ASPRV1: variants seen among roughly 807,000 people sequenced by gnomAD.
ASPRV1 encodes the protein retroviral-like aspartic protease 1.
ASPRV1 carries 7 observed loss-of-function variants against 11.0 expected under a neutral mutation model. The observed-to-expected ratio is 0.64, with a 90% CI of 0.36 to 1.20. The LOEUF is 1.20. ASPRV1 is among the 50% of genes most tolerant of loss of function. The probability of loss-of-function intolerance (pLI) is 0.02; values close to 1 mark genes in which losing one functional copy is unlikely to be tolerated. For synonymous variants in ASPRV1, 136 were observed against 138.4 expected (o/e 0.98, Z 0.12); for missense variants, 299 against 320.0 (o/e 0.93, Z 0.50).
the ASPRV1 span, chr2:69,940,007 T>C: frequency 6.6e-6 from 1 of 152,128 alleles, no homozygotes; most frequent in Non-Finnish European, 1.5e-5. Context: ...GATTCTTTAA[T>C]GTATTTTTCT....
the ASPRV1 span, chr2:70,085,408 C>A: frequency 6.6e-6 from 1 of 152,118 alleles, no homozygotes; most frequent in Non-Finnish European, 1.5e-5. Context: ...CTGGGAGCTG[C>A]CTGATACAAA....
the ASPRV1 span, among the ~76,000 whole-genome samples, chr2:70,047,766 A>T: frequency 6.6e-6 from 1 of 152,200 alleles, no homozygotes; most frequent in Non-Finnish European, 1.5e-5. Context: ...TCTGATTTAC[A>T]GTATGAAGCA....
chr2:70,057,522 G>A, the ASPRV1 span, among the ~76,000 whole-genome samples: 108 of 151,400 alleles, frequency 7.1e-4, 1 homozygote, highest in Admixed American at 3.3e-4. Flanking sequence ...TCTGTTGCCC[G>A]GGCTGGAGTG....
At chr2:69,983,260 T>C in the ASPRV1 span, among the ~76,000 whole-genome samples, 38 of 152,366 alleles carry the variant, frequency 2.5e-4, no homozygotes, top group African/African-American at 8.9e-4. Context: ...TGGAGCGTCT[T>C]GTACTGGATG....
the ASPRV1 span, among the ~76,000 whole-genome samples, chr2:70,056,812 G>A: frequency 1.3e-5 from 2 of 151,602 alleles, no homozygotes; most frequent in Non-Finnish European, 2.9e-5. Flanking sequence ...CCCTGCCACT[G>A]CAACCTTCAC....
At chr2:70,063,471 C>G in the ASPRV1 span, among the ~76,000 whole-genome samples, 1 of 152,144 alleles carries the variant, frequency 6.6e-6, no homozygotes, top group Non-Finnish European at 1.5e-5. Flanking sequence ...GCTGCTGAGG[C>G]CAGCTCCTAT....
chr2:69,987,958 C>A, the ASPRV1 span, among the ~76,000 whole-genome samples: 1 of 152,198 alleles, frequency 6.6e-6, no homozygotes, highest in African/African-American at 2.4e-5. Flanking sequence ...ATGTGCCAGG[C>A]ACTGCCCTAG....
In ASPRV1 at chr2:69,960,599, C is replaced by T. The variant is rs1678053700; in HGVS notation, c.*58G>A. Reference sequence around the variant, plus strand: ...TGACCCCCATGAGGATATGCAACCCCCCCCACAGCGGTGGGTCTTCCCACC... The same window carrying T: ...TGACCCCCATGAGGATATGCAACCCTCCCCACAGCGGTGGGTCTTCCCACC... On this transcript the variant is annotated 3_prime_UTR_variant, in exon 1 of 1. Transcript: ENST00000320256. 16 of 1,521,462 alleles carry T rather than the reference C, an allele frequency of 1.1e-5. No individual in the cohort carries two copies. The South Asian group carries it at 1.7e-4, about 16-fold the overall frequency. 94.2% of individuals were successfully genotyped at this position (1,521,462 alleles called of 1,614,324 possible).
At chr2:70,002,446 G>T in the ASPRV1 span, among the ~76,000 whole-genome samples, 18 of 152,322 alleles carry the variant, frequency 1.2e-4, no homozygotes, top group Non-Finnish European at 2.4e-4. Context: ...CTGTGCCCAA[G>T]ATCTCGTGGG....
the ASPRV1 span, chr2:70,069,055 G>T: frequency 6.6e-6 from 1 of 150,460 alleles, no homozygotes; most frequent in Admixed American, 6.6e-5. Context: ...TTCTATAGAT[G>T]AAAGACAATG....
the ASPRV1 span, among the ~76,000 whole-genome samples, chr2:70,063,423 CCA>C: frequency 3.0e-4 from 45 of 152,202 alleles, no homozygotes; most frequent in Non-Finnish European, 4.0e-4. Context: ...GAGAGAAATT[CCA>C]CAGATTCATG....
the ASPRV1 span, among the ~76,000 whole-genome samples, chr2:69,949,752 G>A: frequency 2.0e-5 from 3 of 152,000 alleles, no homozygotes; most frequent in Non-Finnish European, 4.4e-5. Flanking sequence ...TAATTTTTTA[G>A]TTAACTATTT....
At chr2:69,988,975 C>G in the ASPRV1 span, 25 of 332,998 alleles carry the variant, frequency 7.5e-5, no homozygotes, top group African/African-American at 5.4e-4. Context: ...AGGCTGCCAC[C>G]ACTAAAGAAC....
chr2:69,989,989 C>T, the ASPRV1 span, among the ~76,000 whole-genome samples: 1 of 152,328 alleles, frequency 6.6e-6, no homozygotes, highest in East Asian at 1.9e-4. Flanking sequence ...TGCTAAGAAT[C>T]TTCATTTAAC....
At chr2:70,069,755 T>A in the ASPRV1 span, among the ~76,000 whole-genome samples, 3 of 152,128 alleles carry the variant, frequency 2.0e-5, no homozygotes, top group Non-Finnish European at 4.4e-5. Context: ...TACACAAAAG[T>A]CTAGTTCATC....
the ASPRV1 span, chr2:69,937,993 C>T: frequency 2.4e-5 from 26 of 1,067,266 alleles, no homozygotes; most frequent in Admixed American, 7.3e-5. Context: ...GTGATCCACC[C>T]GCCTTTGCCT....
At chr2:69,978,501 T>G in the ASPRV1 span, among the ~76,000 whole-genome samples, 1 of 152,324 alleles carries the variant, frequency 6.6e-6, no homozygotes, top group African/African-American at 2.4e-5. Context: ...CAAGCAGTTA[T>G]GCGGATTAAA....
chr2:70,059,632 A>C, the ASPRV1 span: 1 of 162,454 alleles, frequency 6.2e-6, no homozygotes, highest in South Asian at 1.9e-4. Context: ...TGAAATAATT[A>C]TACAACTCAC....
chr2:69,978,717 A>C, the ASPRV1 span, among the ~76,000 whole-genome samples: 1 of 152,162 alleles, frequency 6.6e-6, no homozygotes, highest in African/African-American at 2.4e-5. Context: ...CGAACACCGG[A>C]AGCAAACCTC....
Sources: allele counts gnomAD v4.1 joint callset (sites outside exome capture counted in the v4.1 genomes callset), GRCh38; gene constraint gnomAD v4.1.1; transcripts MANE v1.5; gene names NCBI Gene and HGNC (gene_info 2026-07-23, HGNC 2026-07-21).